The following OSBPL6 variants were observed in gnomAD, a reference collection of about 807,000 sequenced individuals.
OSBPL6 encodes oxysterol binding protein like 6, also known as oxysterol-binding protein-related protein 6.
Under a neutral mutation model 125.8 loss-of-function variants are expected in OSBPL6, and 49 were observed. That is an observed-to-expected ratio of 0.39 (90% CI 0.31 to 0.49). OSBPL6 has a LOEUF of 0.49. OSBPL6 is among the 20% of genes least tolerant of loss of function. The pLI is 0.88. For missense variants in OSBPL6, 986 were observed against 1,135.4 expected (o/e 0.87, Z 1.89); for synonymous variants, 394 against 391.8 (o/e 1.01, Z -0.07).
At chr2:178,393,283 C>A (rs1321198788) in intron 23 of OSBPL6, among the ~76,000 whole-genome samples, 2 of 152,166 alleles carry the variant, frequency 1.3e-5, no homozygotes, top group South Asian at 4.1e-4. Context: ...TGCAAGTCTG[C>A]AATTTGCCCA....
intron 3 of OSBPL6, among the ~76,000 whole-genome samples, chr2:178,313,714 A>G (rs1023052489): frequency 6.6e-6 from 1 of 152,246 alleles, no homozygotes; most frequent in African/African-American, 2.4e-5. Flanking sequence ...TTTCAATTAC[A>G]TGAGTATCTA....
At chr2:178,317,486 ATTATTCAT>A (rs1687860138) in intron 3 of OSBPL6, among the ~76,000 whole-genome samples, 1 of 131,436 alleles carries the variant, frequency 7.6e-6, no homozygotes, top group African/African-American at 2.8e-5. Context: ...ATATAGAATA[ATTATTCAT>A]TCATTCAGCA....
At chr2:178,314,456 G>A (rs1026299957) in intron 3 of OSBPL6, among the ~76,000 whole-genome samples, 2 of 152,166 alleles carry the variant, frequency 1.3e-5, no homozygotes, top group Admixed American at 1.3e-4. Context: ...GGAGTGCTAG[G>A]TATATTTAAA....
Position 178,218,717 on chromosome 2 carries a change from C to A in OSBPL6, c.-351+24043C>A, listed in dbSNP as rs140145250. On this transcript the variant is annotated intron_variant, in intron 1 of 24. Transcript: ENST00000190611. The stretch of plus-strand genomic sequence containing the variant: ...CGATCTCTGCCCCCTGCAACCTCTG[C>A]CTCCCGGGTTCAGGTGATTCTCCTG... 8.5e-3 allele frequency among the ~76,000 whole-genome samples: 1,291 copies of A among 151,202 alleles called. 27 individuals are homozygous for A. Among genetic ancestry groups the A allele is most frequent in the East Asian group, 0.075 (382 of 5,116 alleles).
rs1338440624 is a variant in OSBPL6 at position 178,332,684 on chromosome 2, C to T, written c.416C>T (p.Ser139Leu). The T allele has an allele frequency of 6.2e-7, 1 of 1,614,110 alleles. No individual in the cohort carries two copies. The highest frequency in any genetic ancestry group is 8.5e-7 in the Non-Finnish European group (1 of 1,179,990). The change falls in exon 7 of 25, where the codon TCA becomes TTA. Residue 139 changes from serine (S) to leucine (L), a missense_variant. Ser to Leu is a moderately radical substitution (Grantham distance 145). Coordinates refer to ENST00000190611, the MANE Select transcript of OSBPL6 (RefSeq NM_032523.4). The stretch of plus-strand genomic sequence containing the variant: ...CATGGGAGCATAGATGTGGGACTCT[C>T]AGTCATGTCAATTAAAAAGAAAGCT... ...KVHGSIDVGL[S>L]VMSIKKKARR...
intron 1 of OSBPL6, among the ~76,000 whole-genome samples, chr2:178,209,439 C>CTTT (rs71850875): frequency 1.1e-3 from 107 of 95,424 alleles, no homozygotes; most frequent in Middle Eastern, 6.6e-3. Flanking sequence ...TTCTTTCTTT[C>CTTT]TTTTTTTTTT....
In OSBPL6 at chr2:178,316,873, C is replaced by A. The variant is rs7573288; in HGVS notation, c.103-7304C>A. ...CCTGGAGTCAGTCCCCCAAGGATAC[C>A]AAGGGAGGACTGTATTGCTAATTGA... On this transcript the variant is annotated intron_variant, in intron 3 of 24. Transcript: ENST00000190611. Among the ~76,000 whole-genome samples, 671 of 151,534 alleles carry A rather than the reference C, an allele frequency of 4.4e-3. 6 individuals carry two copies. The highest frequency in any genetic ancestry group is 0.015 in the African/African-American group (608 of 41,252).
intron 1 of OSBPL6, among the ~76,000 whole-genome samples, chr2:178,257,257 C>T (rs980372475): frequency 2.6e-5 from 4 of 152,186 alleles, no homozygotes; most frequent in African/African-American, 9.6e-5. Flanking sequence ...ATTAAACAAA[C>T]TTCCTTCTAG....
intron 1 of OSBPL6, among the ~76,000 whole-genome samples, chr2:178,200,695 G>A (rs1233687402): frequency 6.6e-6 from 1 of 152,074 alleles, no homozygotes; most frequent in Non-Finnish European, 1.5e-5. Context: ...GGTGTTCCTT[G>A]ATTTTAATAT....
chr2:178,349,286 A>G lies in OSBPL6; in HGVS notation c.1050A>G (p.Ala350=). 6.2e-7 allele frequency: 1 copy of G among 1,614,154 alleles called. No homozygotes were observed. Among genetic ancestry groups the G allele is most frequent in the Non-Finnish European group, 8.5e-7 (1 of 1,179,974 alleles). Residue 350 remains alanine, a synonymous_variant, in exon 12 of 25, where the codon GCA becomes GCG. Transcript: ENST00000190611. ...ATTCCTCCAACCCCAACCTTTGTGC[A>G]GATATTGAATTTCAGACTCCCCCTA... ...RLHSSNPNLC[A]DIEFQTPPSH...
At chr2:178,378,081 A>G (rs6738236) in intron 15 of OSBPL6, among the ~76,000 whole-genome samples, 88,995 of 152,062 alleles carry the variant, frequency 0.59, 26,304 homozygotes, top group East Asian at 0.69. Flanking sequence ...CGCCTGCCTC[A>G]GCCTCCCAAA....
chr2:178,340,293 C>T (rs944769513), intron 11 of OSBPL6, among the ~76,000 whole-genome samples: 2 of 151,966 alleles, frequency 1.3e-5, no homozygotes, highest in Non-Finnish European at 2.9e-5. Flanking sequence ...TTTGTTTGCT[C>T]CTGGGTAAAG....
chr2:178,218,754 C>T (rs1302018230), intron 1 of OSBPL6, among the ~76,000 whole-genome samples: 7 of 151,730 alleles, frequency 4.6e-5, no homozygotes, highest in African/African-American at 7.3e-5. Context: ...CTCAGCCTCC[C>T]GAATAGCTGG....
rs1688874288 is a variant in OSBPL6, at chr2:178,328,286, C to A, written c.226C>A (p.Leu76Met). The change falls in exon 5 of 25, where the codon CTG (leucine) becomes ATG (methionine). Residue 76 changes from leucine to methionine, a missense_variant. Physicochemically the swap from Leu to Met is conservative, Grantham distance 15. Transcript: ENST00000190611. ...TGACAGCTGGGAAATTATAGAAGGG[C>A]TGAAAATAGGCCAAACCAATGTCCA... is the stretch of plus-strand genomic sequence containing the variant. ...EADSWEIIEGLKIGQTNVQKP... is the reference protein window; with the variant it reads ...EADSWEIIEGMKIGQTNVQKP... The A allele has an allele frequency of 1.2e-6, 2 of 1,613,698 alleles. No homozygotes were observed. The highest frequency in any genetic ancestry group is 1.7e-6 in the Non-Finnish European group (2 of 1,179,828).
chr2:178,361,587 G>A, intron 12 of OSBPL6, 95 bp from the exon 13 acceptor site: 2 of 1,448,502 alleles, frequency 1.4e-6, no homozygotes, highest in East Asian at 2.3e-5. Context: ...TCCAAAAAAT[G>A]CCTATTTGTG....
At chr2:178,200,523 A>G (rs1019872737) in intron 1 of OSBPL6, among the ~76,000 whole-genome samples, 1 of 152,102 alleles carries the variant, frequency 6.6e-6, no homozygotes, top group African/African-American at 2.4e-5. Flanking sequence ...AAGTGCTGAC[A>G]TTACAGGTGT....
intron 1 of OSBPL6, among the ~76,000 whole-genome samples, chr2:178,248,862 A>T (rs1180628799): frequency 6.6e-6 from 1 of 152,186 alleles, no homozygotes; most frequent in Non-Finnish European, 1.5e-5. Flanking sequence ...GTCCAGAATT[A>T]ACTATTGTTA....
intron 1 of OSBPL6, among the ~76,000 whole-genome samples, chr2:178,263,280 A>T (rs916975499): frequency 6.6e-6 from 1 of 152,186 alleles, no homozygotes; most frequent in African/African-American, 2.4e-5. Context: ...GGAGTTCAAG[A>T]CTAGCCTGAC....
In OSBPL6 at chr2:178,250,261, T is replaced by C. The variant is rs140398535; in HGVS notation, c.-350-34666T>C. Among the ~76,000 whole-genome samples, 122 of 152,344 alleles carry C rather than the reference T, an allele frequency of 8.0e-4. No individual in the cohort carries two copies. In the Middle Eastern group the frequency reaches 0.01, roughly 13 times the overall value. ...CTATTTACCTAGGAGCTCCAGAAAA[T>C]TAGGAGATATTTTTGGTACCTCCTT... On this transcript the variant is annotated intron_variant, in intron 1 of 24. Transcript: ENST00000190611.
Sources: allele counts gnomAD v4.1 joint callset (sites outside exome capture counted in the v4.1 genomes callset), GRCh38; gene constraint gnomAD v4.1.1; transcripts MANE v1.5; gene names NCBI Gene and HGNC (gene_info 2026-07-23, HGNC 2026-07-21).